Variants in PHRF1 observed in about 807,000 individuals in gnomAD.
PHRF1 encodes the protein PHD and RING finger domain-containing protein 1.
In PHRF1, 53 loss-of-function variants were observed where a neutral mutation model predicts 128.9. The ratio of observed to expected loss-of-function variants is 0.41; its 90% CI spans 0.33 to 0.52. PHRF1 has a LOEUF of 0.52. Ranked by LOEUF, PHRF1 falls within the 20% of genes least tolerant of loss-of-function variation. PHRF1 has a pLI of 0.21. For missense variants in PHRF1, 2,503 were observed against 2,284.5 expected (o/e 1.10, Z -1.95); for synonymous variants, 1,178 against 980.6 (o/e 1.20, Z -3.76).
chr11:585,602 C>CCTTTCCAGCATGAGGTAGTAGCT (rs1854490433), intron 3 of PHRF1, among the ~76,000 whole-genome samples: 1 of 54,556 alleles, frequency 1.8e-5, no homozygotes, highest in Non-Finnish European at 3.8e-5. Context: ...AGGTAGTAGC[C>CCTTTCCAGCATGAGGTAGTAGCT]CTTTCCAGCT....
intron 1 of PHRF1, among the ~76,000 whole-genome samples, chr11:580,403 G>A (rs767585721): frequency 2.0e-5 from 3 of 152,192 alleles, no homozygotes; most frequent in African/African-American, 4.8e-5. Context: ...CCCGGCTGAC[G>A]GGTCAGGGCC....
intron 3 of PHRF1, among the ~76,000 whole-genome samples, chr11:582,760 G>C (rs1025902278): frequency 6.6e-6 from 1 of 151,550 alleles, no homozygotes; most frequent in Non-Finnish European, 1.5e-5. Flanking sequence ...TCCTGACCTC[G>C]TGATCCGCCC....
At chr11:606,193 T>A (rs1855927175) in intron 12 of PHRF1, among the ~76,000 whole-genome samples, 1 of 152,192 alleles carries the variant, frequency 6.6e-6, no homozygotes, top group Non-Finnish European at 1.5e-5. Flanking sequence ...GCACCAGAGG[T>A]GACTTCTCCC....
At chr11:578,439 G>A (rs536332224) in intron 1 of PHRF1, among the ~76,000 whole-genome samples, 2 of 152,232 alleles carry the variant, frequency 1.3e-5, no homozygotes, top group South Asian at 2.1e-4. Context: ...GCATGGACTC[G>A]CAAAGTTCAG....
chr11:580,528 C>T (rs1159117738), intron 1 of PHRF1, among the ~76,000 whole-genome samples: 1 of 152,140 alleles, frequency 6.6e-6, no homozygotes, highest in South Asian at 2.1e-4. Flanking sequence ...GGTTGGGGTG[C>T]GGTCAGAGGA....
rs747733224 is a variant in PHRF1, at chr11:609,044, G to T, written c.3588G>T (p.Gly1196=). ...QTRSHSPERK[G]AVREASPAPL... ...GGTCCCATTCCCCAGAGAGGAAGGGGGCTGTGAGGGAGGCTTCCCCAGCGC... is the reference window on the plus strand; with the variant it reads ...GGTCCCATTCCCCAGAGAGGAAGGGTGCTGTGAGGGAGGCTTCCCCAGCGC... The change falls in exon 14 of 18, where the codon GGG becomes GGT. Residue 1196 remains glycine, a synonymous_variant. Transcript: ENST00000264555. The T allele has an allele frequency of 6.3e-7, 1 of 1,594,808 alleles. No individual in the cohort carries two copies. The highest frequency in any genetic ancestry group is 8.5e-7 in the Non-Finnish European group (1 of 1,171,324).
At position 610,517 on chromosome 11, in the gene PHRF1, T is replaced by A. The variant is rs753976332; in HGVS notation, c.4433T>A (p.Leu1478Gln). Residue 1478 changes from leucine (L) to glutamine (Q), a missense_variant, in exon 16 of 18, where the codon CTG becomes CAG. Transcript: ENST00000264555. ...CCCTCCCAGGTTTACAGCCCCGGCC[T>A]GCCGCCTGCCCCGGCCCAGCCCTCA... Reference protein sequence around the residue: ...TDPSQVYSPGLPPAPAQPSSI... With the variant: ...TDPSQVYSPGQPPAPAQPSSI... The A allele has an allele frequency of 6.2e-7, 1 of 1,604,008 alleles. No individual in the cohort carries two copies. The highest frequency in any genetic ancestry group is 1.1e-5 in the South Asian group (1 of 90,938).
intron 2 of PHRF1, 74 bp from the exon 3 acceptor site, chr11:581,888 T>G: frequency 6.7e-7 from 1 of 1,483,176 alleles, no homozygotes; most frequent in African/African-American, 1.4e-5. Flanking sequence ...CCTCTATGCC[T>G]GTGCAAAGCA....
At position 582,101 on chromosome 11, in the gene PHRF1, C is replaced by G. The variant is rs746342319; in HGVS notation, c.214+20C>G. ...GATCTGGTGAGACAGCTGGTGTTCA[C>G]GCCGGCTCCTGTGTTTCCTCTTGTC... is the stretch of plus-strand genomic sequence containing the variant. On this transcript the variant is annotated intron_variant, in intron 3 of 17. Transcript: ENST00000264555. The G allele has an allele frequency of 6.4e-7, 1 of 1,570,346 alleles. No individual in the cohort carries two copies. The highest frequency in any genetic ancestry group is 8.6e-7 in the Non-Finnish European group (1 of 1,158,180).
chr11:596,805 C>A, intron 6 of PHRF1, 118 bp from the exon 7 acceptor site: 1 of 797,830 alleles, frequency 1.3e-6, no homozygotes, highest in Non-Finnish European at 2.1e-6. Flanking sequence ...CAGCCCATAA[C>A]AGAATGCATC....
At chr11:587,014 C>T (rs34265491) in intron 3 of PHRF1, among the ~76,000 whole-genome samples, 31,603 of 152,136 alleles carry the variant, frequency 0.21, 4,198 homozygotes, top group East Asian at 0.32. Flanking sequence ...GTCTGGCACT[C>T]AGGACGCTCA....
chr11:605,679 A>T lies in PHRF1; in HGVS notation c.1409A>T (p.Gln470Leu). 4 of 1,613,370 alleles carry T rather than the reference A, an allele frequency of 2.5e-6. No homozygotes were observed. Among genetic ancestry groups the T allele is most frequent in the Non-Finnish European group, 3.4e-6 (4 of 1,179,878 alleles). The change falls in exon 12 of 18, where the codon CAG becomes CTG. Residue 470 changes from glutamine to leucine, a missense_variant. Physicochemically the swap from Gln to Leu is moderately radical, Grantham distance 113. Transcript: ENST00000264555. Reference sequence around the variant, plus strand: ...CGGGCTCTGTCCCGGTCAGCCCTGCAGTCCCACCAGCCCGTGGCCAGGCCC... The same window carrying T: ...CGGGCTCTGTCCCGGTCAGCCCTGCTGTCCCACCAGCCCGTGGCCAGGCCC... The part of the protein sequence containing the change: ...KRRALSRSAL[Q>L]SHQPVARPVS...
chr11:581,344 G>T, intron 1 of PHRF1, 148 bp from the exon 2 acceptor site: 1 of 647,932 alleles, frequency 1.5e-6, no homozygotes. Context: ...GAGTTGTTCT[G>T]TGGGTGATAT....
rs573233134 is a variant in PHRF1 at position 600,647 on chromosome 11, T to C, written c.1025-927T>C. Among the ~76,000 whole-genome samples the C allele has an allele frequency of 4.7e-3, 714 of 150,590 alleles. 6 individuals are homozygous for C. Among genetic ancestry groups the C allele is most frequent in the Middle Eastern group, 0.021 (6 of 288 alleles). ...GGAGTTCAAGACCAGCCTGGCCAAC[T>C]TAACAAAACTCTGTCTCTATTAAAA... On this transcript the variant is annotated intron_variant, in intron 9 of 17. Coordinates refer to ENST00000264555, the MANE Select transcript of PHRF1 (RefSeq NM_001286581.2).
Position 607,355 on chromosome 11 carries a change from C to T in PHRF1, c.1899C>T (p.Asn633=), listed in dbSNP as rs369368409. The change falls in exon 14 of 18, where the codon AAC becomes AAT. Residue 633 remains asparagine (N), a synonymous_variant. Transcript: ENST00000264555. The part of the protein sequence containing the change: ...GFRQSHSPWF[N]GTNKHTLPLA... ...GACAGAGCCACAGCCCCTGGTTCAA[C>T]GGCACCAACAAGCACACCTTGCCCC... 11 of 1,612,666 alleles carry T rather than the reference C, an allele frequency of 6.8e-6. No individual in the cohort carries two copies. The highest frequency in any genetic ancestry group is 2.7e-5 in the African/African-American group (2 of 74,942).
chr11:605,788 A>T, intron 12 of PHRF1, 64 bp downstream of exon 12: 1 of 1,531,586 alleles, frequency 6.5e-7, no homozygotes, highest in South Asian at 1.2e-5. Flanking sequence ...TGGGAGTTCT[A>T]GGGTGGGGCC....
intron 3 of PHRF1, among the ~76,000 whole-genome samples, chr11:585,976 C>G (rs954167494): frequency 2.6e-5 from 4 of 152,164 alleles, no homozygotes; most frequent in African/African-American, 9.7e-5. Flanking sequence ...ATTCTCCTGT[C>G]TCAGCCTCCC....
intron 6 of PHRF1, among the ~76,000 whole-genome samples, chr11:593,030 C>T (rs1459766297): frequency 1.3e-5 from 2 of 152,218 alleles, no homozygotes; most frequent in South Asian, 2.1e-4. Flanking sequence ...ATCATTCTGG[C>T]TGCCTTGGTC....
At chr11:606,306 C>T in intron 12 of PHRF1, 136 bp from the exon 13 acceptor site, 1 of 1,182,266 alleles carries the variant, frequency 8.5e-7, no homozygotes, top group Non-Finnish European at 1.1e-6. Context: ...GCAGCCGGAG[C>T]CAGGGCTGTG....
Sources: allele counts gnomAD v4.1 joint callset (sites outside exome capture counted in the v4.1 genomes callset), GRCh38; gene constraint gnomAD v4.1.1; transcripts MANE v1.5; gene names NCBI Gene and HGNC (gene_info 2026-07-23, HGNC 2026-07-21).